The following LRRC37A3 variants were observed in gnomAD, a reference collection of about 807,000 sequenced individuals.
The protein encoded by LRRC37A3 is leucine-rich repeat-containing protein 37A3.
In LRRC37A3, 25 loss-of-function variants were observed where a neutral mutation model predicts 106.2. That is an observed-to-expected ratio of 0.24 (90% CI 0.17 to 0.33). The LOEUF (loss-of-function observed/expected upper bound fraction) is 0.33. LRRC37A3 is among the 10% of genes least tolerant of loss of function. The pLI, the probability that LRRC37A3 is intolerant of heterozygous loss-of-function variation, is 1.00. For missense variants in LRRC37A3, 712 were observed against 1,644.9 expected (o/e 0.43, Z 9.81); for synonymous variants, 305 against 635.8 (o/e 0.48, Z 7.83).
intron 2 of LRRC37A3, among the ~76,000 whole-genome samples, chr17:64,915,564 C>T (rs1314946770): frequency 6.6e-6 from 1 of 152,218 alleles, no homozygotes; most frequent in Non-Finnish European, 1.5e-5. Context: ...TACTATCTGA[C>T]CTTTTACAGA....
Position 64,917,141 on chromosome 17 carries a change from G to A in LRRC37A3, c.-496+1609C>T, listed in dbSNP as rs1598440518. Among the ~76,000 whole-genome samples, 3 of 150,574 alleles carry A rather than the reference G, an allele frequency of 2.0e-5. No individual in the cohort carries two copies. In the South Asian group the frequency reaches 6.3e-4, roughly 31 times the overall value. ...GGCCCCTGTAGTCCCAGCTACACGG[G>A]AGGCTGAGGCAGGAGAATGGCATGA... On this transcript the variant is annotated intron_variant, in intron 2 of 14. Transcript: ENST00000584306.
At chr17:64,919,053 GC>G (rs1447418594) in intron 1 of LRRC37A3, among the ~76,000 whole-genome samples, 183 bp from the exon 2 acceptor site, 2 of 151,856 alleles carry the variant, frequency 1.3e-5, no homozygotes, top group Non-Finnish European at 2.9e-5. Flanking sequence ...GGCTACTGCT[GC>G]CCCCCCTGGG....
intron 8 of LRRC37A3, among the ~76,000 whole-genome samples, chr17:64,876,724 T>G (rs1297664709): frequency 1.3e-5 from 2 of 151,894 alleles, no homozygotes; most frequent in Admixed American, 1.3e-4. Context: ...GAGATTGAGG[T>G]AGTAATCAAA....
Position 64,895,145 on chromosome 17 carries a change from T to G in LRRC37A3, c.2113A>C (p.Lys705Gln), listed in dbSNP as rs1369646274. The change falls in exon 4 of 15, where the codon AAG becomes CAG. Residue 705 changes from lysine (K) to glutamine (Q), a missense_variant. By Grantham distance (53) the Lys-to-Gln change is moderately conservative. Coordinates refer to ENST00000584306, the MANE Select transcript of LRRC37A3 (RefSeq NM_199340.5). Reference sequence around the variant, plus strand: ...AGGTGTGAATGCTGAGCCTGACCCTTGTCTGAAGGTGGAAGTGTCACCTCA... The same window carrying G: ...AGGTGTGAATGCTGAGCCTGACCCTGGTCTGAAGGTGGAAGTGTCACCTCA... Reference protein sequence around the residue: ...HPEVTLPPSDKGQAQHSHLTQ... With the variant: ...HPEVTLPPSDQGQAQHSHLTQ... The G allele has an allele frequency of 9.5e-6, 14 of 1,469,496 alleles. No individual in the cohort carries two copies. In the African/African-American group the frequency reaches 1.2e-4, roughly 13 times the overall value. The allele number at this position is 1,469,496 out of a possible 1,614,324, so 91.0% of individuals were successfully genotyped here.
chr17:64,870,231 C>T (rs1409752729), intron 8 of LRRC37A3, among the ~76,000 whole-genome samples: 3 of 152,020 alleles, frequency 2.0e-5, no homozygotes, highest in African/African-American at 7.3e-5. Context: ...GCTGGGATTA[C>T]AGGTGCCCGC....
intron 10 of LRRC37A3, among the ~76,000 whole-genome samples, chr17:64,866,615 TATATATATA>T (rs1973101445): frequency 1.2e-4 from 3 of 24,010 alleles, no homozygotes; most frequent in African/African-American, 2.1e-4. Flanking sequence ...TATATATATA[TATATATATA>T]TATATTTTTT....
rs369082914 is a variant in LRRC37A3 at position 64,897,288 on chromosome 17, G to C, written c.-31C>G. 4.5e-5 allele frequency: 73 copies of C among 1,609,868 alleles called. 2 individuals are homozygous for C. In the African/African-American group the frequency reaches 9.7e-4, roughly 21 times the overall value. On this transcript the variant is annotated 5_prime_UTR_variant, in exon 4 of 15. Coordinates refer to ENST00000584306, the MANE Select transcript of LRRC37A3 (RefSeq NM_199340.5). Reference sequence around the variant, plus strand: ...CAGCTCCGAGACGCTCGTGCCCCTTGTAAGCATGAGTCCCGCCCTGTCTTT... The same window carrying C: ...CAGCTCCGAGACGCTCGTGCCCCTTCTAAGCATGAGTCCCGCCCTGTCTTT...
At position 64,860,369 on chromosome 17, in the gene LRRC37A3, G is replaced by T. The variant is rs757801670; in HGVS notation, c.3777C>A (p.Ser1259=). 3 of 1,613,848 alleles carry T rather than the reference G, an allele frequency of 1.9e-6. No homozygotes were observed. The highest frequency in any genetic ancestry group is 2.5e-6 in the Non-Finnish European group (3 of 1,179,886). ...KPFSKGAPST[S]SPAKALPQVR... The stretch of plus-strand genomic sequence containing the variant: ...CCTGTGGTAGGGCTTTTGCAGGGCT[G>T]GAGGTAGAAGGCGCGCCCTTGGAGA... Residue 1259 remains serine, a synonymous_variant, in exon 12 of 15, where the codon TCC becomes TCA. Transcript: ENST00000584306.
In LRRC37A3 at chr17:64,860,263, A is replaced by G. The variant is rs1337574196; in HGVS notation, c.3883T>C (p.Ser1295Pro). ...TTTCTGGAATGTACGATGGGTTTAG[A>G]TGTCTTCATATTTGTAACTCTAGCC... ...AKARVTNMKT[S>P]KPIVHSRKKY... Residue 1295 changes from serine to proline, a missense_variant, in exon 12 of 15, where the codon TCT becomes CCT. Coordinates refer to ENST00000584306, the MANE Select transcript of LRRC37A3 (RefSeq NM_199340.5). 1 of 1,613,710 alleles carries G rather than the reference A, an allele frequency of 6.2e-7. No homozygotes were observed. Among genetic ancestry groups the G allele is most frequent in the Admixed American group, 1.7e-5 (1 of 59,980 alleles).
intron 5 of LRRC37A3, among the ~76,000 whole-genome samples, chr17:64,892,280 A>AAAAG (rs1973969721): frequency 3.0e-5 from 1 of 33,850 alleles, no homozygotes; most frequent in African/African-American, 2.8e-4. Flanking sequence ...AAAAAAAAAA[A>AAAAG]AGAGAACAAA....
At position 64,860,031 on chromosome 17, in the gene LRRC37A3, A is replaced by G. The variant is rs1972812853; in HGVS notation, c.4115T>C (p.Phe1372Ser). The G allele has an allele frequency of 1.2e-6, 2 of 1,613,930 alleles. No homozygotes were observed. The highest frequency in any genetic ancestry group is 1.7e-6 in the Non-Finnish European group (2 of 1,179,866). The change falls in exon 12 of 15, where the codon TTT becomes TCT. Residue 1372 changes from phenylalanine (F) to serine (S), a missense_variant. By Grantham distance (155) the Phe-to-Ser change is radical (BLOSUM62 -2). Transcript: ENST00000584306. Reference sequence around the variant, plus strand: ...TTCTGAAGGAGCAGATACTTCCAGAAAAGGATTTTCTTGAGGACTCAGGTC... The same window carrying G: ...TTCTGAAGGAGCAGATACTTCCAGAGAAGGATTTTCTTGAGGACTCAGGTC... ...LRDLSPQENPFLEVSAPSEHF... is the reference protein window; with the variant it reads ...LRDLSPQENPSLEVSAPSEHF...
intron 2 of LRRC37A3, among the ~76,000 whole-genome samples, chr17:64,903,777 A>G (rs1974382008): frequency 1.3e-5 from 2 of 152,114 alleles, no homozygotes; most frequent in South Asian, 2.1e-4. Flanking sequence ...AACGTCAGTT[A>G]TCAATTGAGT....
rs559942608 is a variant in LRRC37A3 at position 64,863,822 on chromosome 17, T to C, written c.3054-804A>G. On this transcript the variant is annotated intron_variant, in intron 10 of 14. Transcript: ENST00000584306. ...TACCAAGGGGAAAATTATTATTTTT[T>C]ATTTTTATTTTTATTTTGTCACCCA... is the stretch of plus-strand genomic sequence containing the variant. 2.2e-3 allele frequency among the ~76,000 whole-genome samples: 330 copies of C among 152,258 alleles called. 1 individual carries two copies. Among genetic ancestry groups the C allele is most frequent in the African/African-American group, 7.5e-3 (313 of 41,550 alleles).
chr17:64,918,487 T>A (rs1048575331), intron 2 of LRRC37A3, among the ~76,000 whole-genome samples: 52 of 152,338 alleles, frequency 3.4e-4, no homozygotes, highest in African/African-American at 1.2e-3. Flanking sequence ...ACATGATTCA[T>A]GTTTGCAGAT....
intron 8 of LRRC37A3, among the ~76,000 whole-genome samples, chr17:64,869,532 ATT>A (rs1157660467): frequency 1.2e-3 from 153 of 125,080 alleles, no homozygotes; most frequent in African/African-American, 4.3e-3. Flanking sequence ...TTGTTCATCT[ATT>A]TTTTTTTTTT....
At position 64,860,518 on chromosome 17, in the gene LRRC37A3, C is replaced by A; in HGVS notation, c.3628G>T (p.Ala1210Ser). Residue 1210 changes from alanine (A) to serine (S), a missense_variant, in exon 12 of 15, where the codon GCC (alanine) becomes TCC (serine). Transcript: ENST00000584306. ...TAEEKRLGSP[A>S]PRELKQPHTQ... ...TGAGGCTGTTTCAGCTCCCTTGGGGCTGGACTTCCGAGCCTTTTTTCTTCG... is the reference window on the plus strand; with the variant it reads ...TGAGGCTGTTTCAGCTCCCTTGGGGATGGACTTCCGAGCCTTTTTTCTTCG... 1.2e-6 allele frequency: 2 copies of A among 1,612,904 alleles called. No homozygotes were observed. The highest frequency in any genetic ancestry group is 4.5e-5 in the East Asian group (2 of 44,878).
chr17:64,856,262 G>T (rs1972675950), intron 13 of LRRC37A3, among the ~76,000 whole-genome samples: 2 of 152,060 alleles, frequency 1.3e-5, no homozygotes, highest in African/African-American at 4.8e-5. Context: ...TGTTACTCAG[G>T]ATGGAGTGCG....
intron 14 of LRRC37A3, 108 bp downstream of exon 14, chr17:64,855,732 G>A (rs1972655018): frequency 6.4e-7 from 1 of 1,558,656 alleles, no homozygotes; most frequent in Admixed American, 1.8e-5. Flanking sequence ...AACCTGGGAA[G>A]TGGAGGTTGC....
chr17:64,880,428 C>G (rs1476181166), intron 8 of LRRC37A3, among the ~76,000 whole-genome samples: 1 of 152,228 alleles, frequency 6.6e-6, no homozygotes, highest in Non-Finnish European at 1.5e-5. Flanking sequence ...GGATTAAAGG[C>G]ATGAGCCAGC....
Sources: allele counts gnomAD v4.1 joint callset (sites outside exome capture counted in the v4.1 genomes callset), GRCh38; gene constraint gnomAD v4.1.1; transcripts MANE v1.5; gene names NCBI Gene and HGNC (gene_info 2026-07-23, HGNC 2026-07-21).